Variants in KIAA0825 observed in about 807,000 individuals in gnomAD.
The protein encoded by KIAA0825 is KIAA0825.
KIAA0825 carries 119 observed loss-of-function variants against 147.6 expected under a neutral mutation model. That is an observed-to-expected ratio of 0.81 (90% CI 0.69 to 0.94). The LOEUF is 0.94. Among genes scored for constraint, KIAA0825 ranks in the 40% least tolerant of loss-of-function variants. KIAA0825 has a pLI of 0.00. For missense variants in KIAA0825, 1,381 were observed against 1,472.7 expected (o/e 0.94, Z 1.02); for synonymous variants, 470 against 518.1 (o/e 0.91, Z 1.26).
At chr5:94,185,062 T>C (rs994532260) in intron 20 of KIAA0825, among the ~76,000 whole-genome samples, 3 of 152,176 alleles carry the variant, frequency 2.0e-5, no homozygotes, top group African/African-American at 7.2e-5. Flanking sequence ...TCTGCGGGTA[T>C]TGTCTTTCAT....
At chr5:94,200,372 G>T (rs72771622) in intron 20 of KIAA0825, among the ~76,000 whole-genome samples, 1 of 152,090 alleles carries the variant, frequency 6.6e-6, no homozygotes, top group African/African-American at 2.4e-5. Context: ...TCAGCCCTGT[G>T]GTCTGCATCC....
chr5:94,610,833 T>C (rs1298520759), intron 1 of KIAA0825, among the ~76,000 whole-genome samples: 2 of 132,798 alleles, frequency 1.5e-5, no homozygotes, highest in East Asian at 4.4e-4. Context: ...AAAAAAGTCA[T>C]GACACAGTGA....
intron 20 of KIAA0825, among the ~76,000 whole-genome samples, chr5:94,303,388 G>C (rs1208009443): frequency 1.3e-5 from 2 of 150,652 alleles, no homozygotes; most frequent in African/African-American, 2.4e-5. Flanking sequence ...CATATATTAG[G>C]GATAATTTCA....
At chr5:94,322,541 G>C (rs1022541662) in intron 20 of KIAA0825, among the ~76,000 whole-genome samples, 1 of 151,734 alleles carries the variant, frequency 6.6e-6, no homozygotes, top group Non-Finnish European at 1.5e-5. Context: ...TTGCACTCCA[G>C]CTGTAGCAGT....
chr5:94,578,223 A>G (rs1365993103), intron 2 of KIAA0825, among the ~76,000 whole-genome samples: 1 of 152,224 alleles, frequency 6.6e-6, no homozygotes, highest in Non-Finnish European at 1.5e-5. Context: ...AGTAGTTAAT[A>G]TTTATTCACT....
At chr5:94,540,596 TAATTGGCTTAATAATA>T (rs1487994526) in intron 2 of KIAA0825, among the ~76,000 whole-genome samples, 2 of 152,218 alleles carry the variant, frequency 1.3e-5, no homozygotes, top group Non-Finnish European at 2.9e-5. Context: ...AGAGCTTGAT[TAATTGGCTTAATAATA>T]AGACCTGAAA....
intron 20 of KIAA0825, among the ~76,000 whole-genome samples, chr5:94,258,524 GT>G (rs1378639887): frequency 6.6e-6 from 1 of 151,874 alleles, no homozygotes. Flanking sequence ...CTTAGGTTCT[GT>G]TTTTCCCCCA....
rs535993237 is a variant in KIAA0825, at chr5:94,168,096, T to A, written c.3711-13972A>T. ...GATATAAACATACATAAATGTATATTTTTAAAATACATAGAAATACATATA... is the reference window on the plus strand; with the variant it reads ...GATATAAACATACATAAATGTATATATTTAAAATACATAGAAATACATATA... On this transcript the variant is annotated intron_variant, in intron 20 of 20. Coordinates refer to ENST00000682413, the MANE Select transcript of KIAA0825 (RefSeq NM_001145678.3). 2.0e-5 allele frequency among the ~76,000 whole-genome samples: 3 copies of A among 151,042 alleles called. No homozygotes were observed. The South Asian group carries it at 6.3e-4, about 31-fold the overall frequency.
chr5:94,335,233 G>A (rs1366279958), intron 20 of KIAA0825, among the ~76,000 whole-genome samples: 2 of 152,092 alleles, frequency 1.3e-5, no homozygotes, highest in African/African-American at 2.4e-5. Context: ...TAGAGGTTTG[G>A]AGAGAAATTG....
At chr5:94,427,644 G>C (rs553079837) in intron 14 of KIAA0825, among the ~76,000 whole-genome samples, 23 of 152,282 alleles carry the variant, frequency 1.5e-4, no homozygotes, top group African/African-American at 5.3e-4. Context: ...CAATCCTCCA[G>C]AATATAAGCT....
At chr5:94,439,141 T>C (rs959025640) in intron 14 of KIAA0825, among the ~76,000 whole-genome samples, 1 of 152,112 alleles carries the variant, frequency 6.6e-6, no homozygotes, top group Admixed American at 6.6e-5. Flanking sequence ...GGGGAAAAGG[T>C]TAGAAAACTA....
intron 20 of KIAA0825, among the ~76,000 whole-genome samples, chr5:94,360,573 C>T (rs565607392): frequency 6.6e-6 from 1 of 152,316 alleles, no homozygotes; most frequent in South Asian, 2.1e-4. Flanking sequence ...AAAGTAATCT[C>T]TGGTCATCCT....
intron 20 of KIAA0825, among the ~76,000 whole-genome samples, chr5:94,324,534 A>G (rs1780497780): frequency 1.3e-5 from 2 of 151,998 alleles, no homozygotes; most frequent in African/African-American, 4.8e-5. Flanking sequence ...ACCAGTTTTA[A>G]AGATATGATC....
intron 1 of KIAA0825, among the ~76,000 whole-genome samples, chr5:94,600,245 G>A (rs978454438): frequency 1.3e-5 from 2 of 152,084 alleles, no homozygotes; most frequent in African/African-American, 4.8e-5. Flanking sequence ...GGAGAATGTG[G>A]AGAAATTGAA....
intron 20 of KIAA0825, among the ~76,000 whole-genome samples, chr5:94,156,591 A>G (rs1319689739): frequency 1.3e-5 from 2 of 152,226 alleles, no homozygotes; most frequent in East Asian, 3.8e-4. Flanking sequence ...TGTAATTTAA[A>G]TGAATCATAT....
intron 20 of KIAA0825, among the ~76,000 whole-genome samples, chr5:94,287,879 C>G (rs899828450): frequency 1.4e-4 from 21 of 152,164 alleles, no homozygotes; most frequent in Admixed American, 3.3e-4. Flanking sequence ...CCCAGGGCTA[C>G]TACCTGGGAA....
At chr5:94,566,387 G>T (rs1778719928) in intron 2 of KIAA0825, among the ~76,000 whole-genome samples, 1 of 151,972 alleles carries the variant, frequency 6.6e-6, no homozygotes. Context: ...TATGATTTTT[G>T]AAACACATAT....
rs138341260 is a variant in KIAA0825 at position 94,319,007 on chromosome 5, A to G, written c.3710+65361T>C. 2.3e-3 allele frequency among the ~76,000 whole-genome samples: 343 copies of G among 152,028 alleles called. 1 individual carries two copies. Among genetic ancestry groups the G allele is most frequent in the African/African-American group, 7.9e-3 (326 of 41,520 alleles). ...TGAGAAACCAGTGGGTAAGGAAGAT[A>G]TATTTCTGTAGATGATAGCACCAGG... On this transcript the variant is annotated intron_variant, in intron 20 of 20. Coordinates refer to ENST00000682413, the MANE Select transcript of KIAA0825 (RefSeq NM_001145678.3).
At chr5:94,442,245 A>C (rs1417051660) in intron 13 of KIAA0825, among the ~76,000 whole-genome samples, 1 of 152,210 alleles carries the variant, frequency 6.6e-6, no homozygotes, top group South Asian at 2.1e-4. Flanking sequence ...GGAACATCTC[A>C]TAACTTTATT....
Sources: gnomAD v4.1 joint callset for allele counts (sites outside exome capture counted in the v4.1 genomes callset) on GRCh38, gnomAD v4.1.1 for gene constraint, MANE v1.5 for transcripts, NCBI Gene and HGNC (gene_info 2026-07-23, HGNC 2026-07-21) for gene names.